MOB2: variants seen among roughly 807,000 people sequenced by gnomAD.
MOB2 encodes MOB kinase activator 2.
In MOB2, 14 loss-of-function variants were observed where a neutral mutation model predicts 27.4. The observed-to-expected ratio is 0.51, with a 90% CI of 0.34 to 0.80. MOB2 has a LOEUF of 0.80. Ranked by LOEUF, MOB2 falls within the 30% of genes least tolerant of loss-of-function variation. The pLI, the probability that MOB2 is intolerant of heterozygous loss-of-function variation, is 0.01. For missense variants in MOB2, 304 were observed against 354.6 expected, an observed-to-expected ratio of 0.86 and a Z score of 1.15; for synonymous variants, 167 against 151.8, an observed-to-expected ratio of 1.10 and a Z score of -0.74.
intron 3 of MOB2, chr11:1,473,248 G>A (rs529412328): frequency 6.6e-6 from 1 of 152,416 alleles, no homozygotes; most frequent in South Asian, 2.1e-4. Flanking sequence ...TCCTCCCCCT[G>A]GGACAGCTCT....
chr11:1,485,668 A>G (rs1267468359), intron 1 of MOB2, among the ~76,000 whole-genome samples: 2 of 151,454 alleles, frequency 1.3e-5, no homozygotes, highest in Admixed American at 1.3e-4. Flanking sequence ...GGGAGGACAC[A>G]CTCACTGCTG....
intron 1 of MOB2, 112 bp downstream of exon 1, chr11:1,486,335 C>T (rs1182403030): frequency 3.8e-6 from 3 of 787,340 alleles, no homozygotes; most frequent in Non-Finnish European, 6.2e-6. Context: ...ACTGGGAGGG[C>T]AGCCACGGAC....
intron 3 of MOB2, among the ~76,000 whole-genome samples, chr11:1,477,642 C>T (rs1167171758): frequency 6.6e-6 from 1 of 152,176 alleles, no homozygotes; most frequent in Non-Finnish European, 1.5e-5. Flanking sequence ...CTGAATCTGG[C>T]TAATCAGATC....
chr11:1,478,589 G>C (rs1165937300), intron 3 of MOB2, among the ~76,000 whole-genome samples: 37 of 152,172 alleles, frequency 2.4e-4, no homozygotes, highest in Non-Finnish European at 2.6e-4. Flanking sequence ...TGCTGACAGA[G>C]GATGGCTGCC....
chr11:1,480,366 A>T (rs748775258), intron 3 of MOB2, 27 bp downstream of exon 3: 2 of 1,605,904 alleles, frequency 1.2e-6, no homozygotes, highest in Non-Finnish European at 1.7e-6. Flanking sequence ...CCCAAGAGAA[A>T]GTGGGCTGTA....
chr11:1,478,693 G>A (rs564486978), intron 3 of MOB2, among the ~76,000 whole-genome samples: 45 of 152,334 alleles, frequency 3.0e-4, no homozygotes, highest in Non-Finnish European at 6.2e-4. Context: ...AGCTTCTTAA[G>A]TCTGCAGGTT....
intron 3 of MOB2, among the ~76,000 whole-genome samples, chr11:1,478,362 G>A (rs1216952411): frequency 6.6e-6 from 1 of 152,276 alleles, no homozygotes; most frequent in Non-Finnish European, 1.5e-5. Flanking sequence ...GAACTCTGCA[G>A]GGAGCCTCTG....
At chr11:1,482,997 G>A (rs1847931885) in intron 1 of MOB2, among the ~76,000 whole-genome samples, 1 of 152,232 alleles carries the variant, frequency 6.6e-6, no homozygotes, top group Non-Finnish European at 1.5e-5. Context: ...GCCAGCGGCA[G>A]CTACCGAGGA....
chr11:1,479,826 C>G lies in MOB2; in HGVS notation c.365+567G>C, dbSNP rs950377643. ...CCAGCCTCCTCCTGCCTGCAGCCTC[C>G]AAGGCTGCTTTCAGCAACCCAGGCC... On this transcript the variant is annotated intron_variant, in intron 3 of 4. Transcript: ENST00000329957. Among the ~76,000 whole-genome samples, 3 of 152,374 alleles carry G rather than the reference C, an allele frequency of 2.0e-5. 1 individual carries two copies. The East Asian group carries it at 5.8e-4, about 29-fold the overall frequency.
Position 1,486,645 on chromosome 11 carries a change from C to A in MOB2, c.-89G>T. 1 of 868,260 alleles carries A rather than the reference C, an allele frequency of 1.2e-6. No individual in the cohort carries two copies. Among genetic ancestry groups the A allele is most frequent in the Non-Finnish European group, 1.8e-6 (1 of 552,978 alleles). 53.8% of individuals were successfully genotyped at this position (868,260 alleles called of 1,614,324 possible). A position where few individuals can be genotyped will look rare whatever the true frequency, so the allele number is the denominator to read the frequency against. ...AATGCCTGCTGCCGGGCCCTCCAGC[C>A]TCACTCCCTGGCCAATGGGACGCCT... On this transcript the variant is annotated 5_prime_UTR_variant, in exon 1 of 5. The change creates a new upstream start codon in the 5' untranslated region. Transcript: ENST00000329957.
chr11:1,475,765 C>T (rs527244777), intron 3 of MOB2, among the ~76,000 whole-genome samples: 1 of 152,354 alleles, frequency 6.6e-6, no homozygotes, highest in Non-Finnish European at 1.5e-5. Flanking sequence ...GTCACTTTTG[C>T]AATTTCAGAT....
intron 3 of MOB2, among the ~76,000 whole-genome samples, chr11:1,477,568 G>A (rs1315483441): frequency 6.6e-6 from 1 of 152,120 alleles, no homozygotes; most frequent in Non-Finnish European, 1.5e-5. Flanking sequence ...TGGCTCCGTC[G>A]CCCTGCCTTC....
intron 1 of MOB2, 25 bp downstream of exon 1, chr11:1,486,422 C>G (rs1459550640): frequency 1.2e-5 from 18 of 1,506,934 alleles, no homozygotes; most frequent in Admixed American, 2.0e-5. Flanking sequence ...CACACCCCTC[C>G]CCCAGCCAGG....
Position 1,470,143 on chromosome 11 carries a change from C to A in MOB2, c.*29G>T. On this transcript the variant is annotated 3_prime_UTR_variant, in exon 5 of 5. Transcript: ENST00000329957. Reference sequence around the variant, plus strand: ...GAACACACACCACCGTCTCTTTGCACACGTGTGCCCCTGTCCGGCCCGGGG... The same window carrying A: ...GAACACACACCACCGTCTCTTTGCAAACGTGTGCCCCTGTCCGGCCCGGGG... The A allele has an allele frequency of 6.4e-7, 1 of 1,565,090 alleles. No homozygotes were observed. Among genetic ancestry groups the A allele is most frequent in the Non-Finnish European group, 8.7e-7 (1 of 1,155,734 alleles).
intron 3 of MOB2, among the ~76,000 whole-genome samples, chr11:1,476,217 G>A (rs888425796): frequency 3.9e-5 from 6 of 152,210 alleles, no homozygotes; most frequent in South Asian, 2.1e-4. Flanking sequence ...TGTGGGTAAC[G>A]GAAACTGTAG....
chr11:1,484,205 G>A (rs1847945755), intron 1 of MOB2, among the ~76,000 whole-genome samples: 1 of 152,228 alleles, frequency 6.6e-6, no homozygotes, highest in African/African-American at 2.4e-5. Context: ...TGAGTGGGCA[G>A]CAGCAGGAGG....
At chr11:1,476,112 A>C (rs1017451643) in intron 3 of MOB2, among the ~76,000 whole-genome samples, 5 of 152,362 alleles carry the variant, frequency 3.3e-5, no homozygotes, top group African/African-American at 1.2e-4. Flanking sequence ...GACGGTGGAG[A>C]CCGCATCACA....
In MOB2 at chr11:1,470,056, G is replaced by C; in HGVS notation, c.*116C>G. The C allele has an allele frequency of 6.5e-7, 1 of 1,537,884 alleles. No individual in the cohort carries two copies. ...TGCAGCCCACACCAGTGCAGCCCGG[G>C]GCCCTCTCAGACCTCACCACACGCG... On this transcript the variant is annotated 3_prime_UTR_variant, in exon 5 of 5. Coordinates refer to ENST00000329957, the MANE Select transcript of MOB2 (RefSeq NM_001172223.3).
At chr11:1,470,948 C>G (rs1217950936) in intron 4 of MOB2, among the ~76,000 whole-genome samples, 6 of 152,254 alleles carry the variant, frequency 3.9e-5, no homozygotes, top group African/African-American at 1.2e-4. Flanking sequence ...CCACATCCCA[C>G]CAAAATCTGG....
Sources: gnomAD v4.1 joint callset for allele counts (sites outside exome capture counted in the v4.1 genomes callset) on GRCh38, gnomAD v4.1.1 for gene constraint, MANE v1.5 for transcripts, NCBI Gene and HGNC (gene_info 2026-07-23, HGNC 2026-07-21) for gene names.